The following SPATA22 variants were observed in gnomAD, a reference collection of about 807,000 sequenced individuals.
SPATA22 encodes the protein spermatogenesis-associated protein 22.
In SPATA22, 29 loss-of-function variants were observed where a neutral mutation model predicts 47.8. The observed-to-expected ratio is 0.61, with a 90% CI of 0.45 to 0.83. The LOEUF is 0.83. Ranked by LOEUF, SPATA22 falls within the 40% of genes least tolerant of loss-of-function variation. The probability of loss-of-function intolerance (pLI) is 0.00; values close to 1 mark genes in which losing one functional copy is unlikely to be tolerated. For synonymous variants in SPATA22, 133 were observed against 140.9 expected (o/e 0.94, Z 0.40); for missense variants, 410 against 421.7 (o/e 0.97, Z 0.24).
chr17:3,465,029 C>T (rs1231764148), intron 3 of SPATA22, among the ~76,000 whole-genome samples: 1 of 132,584 alleles, frequency 7.5e-6, no homozygotes, highest in African/African-American at 2.7e-5. Flanking sequence ...GGGGGGTCAG[C>T]CCCCAGCCCG....
At chr17:3,472,895 G>C (rs2073465959), upstream of SPATA22, among the ~76,000 whole-genome samples, 1 of 152,110 alleles carries the variant, frequency 6.6e-6, no homozygotes, top group Non-Finnish European at 1.5e-5. Context: ...GCCAGAGTAA[G>C]GAACAGCTTT....
At chr17:3,509,009 G>A (rs988388924) in intron 1 of SPATA22, among the ~76,000 whole-genome samples, 5 of 151,170 alleles carry the variant, frequency 3.3e-5, no homozygotes, top group African/African-American at 4.9e-5. Flanking sequence ...TAGGCTGATC[G>A]GCAATAATGA....
intron 1 of SPATA22, chr17:3,512,293 G>A (rs2074123226): frequency 6.8e-6 from 1 of 147,404 alleles, no homozygotes; most frequent in Non-Finnish European, 1.5e-5. Flanking sequence ...GGGTCAGCTG[G>A]GAGGGCAGGG....
intron 1 of SPATA22, among the ~76,000 whole-genome samples, chr17:3,479,211 C>G (rs1362285191): frequency 6.6e-6 from 1 of 152,164 alleles, no homozygotes; most frequent in East Asian, 1.9e-4. Flanking sequence ...TGGGACTCTT[C>G]CAATGGGAGC....
At chr17:3,468,100 T>C (rs1196939464) in intron 2 of SPATA22, 2 of 152,246 alleles carry the variant, frequency 1.3e-5, no homozygotes, top group African/African-American at 4.8e-5. Flanking sequence ...AACTCTGCAA[T>C]TTTAACAAGC....
At chr17:3,487,673 C>T (rs911256260) in intron 1 of SPATA22, among the ~76,000 whole-genome samples, 3 of 152,148 alleles carry the variant, frequency 2.0e-5, no homozygotes, top group African/African-American at 7.2e-5. Context: ...TACTTTTGTG[C>T]ATAATAAAGA....
At chr17:3,474,850 A>G (rs1456154881), upstream of SPATA22, among the ~76,000 whole-genome samples, 1 of 152,192 alleles carries the variant, frequency 6.6e-6, no homozygotes, top group African/African-American at 2.4e-5. Context: ...GAGGCACCCT[A>G]TTGTCCTGTG....
chr17:3,450,809 C>G (rs2072841242), intron 5 of SPATA22, among the ~76,000 whole-genome samples: 1 of 152,110 alleles, frequency 6.6e-6, no homozygotes, highest in Admixed American at 6.5e-5. Flanking sequence ...ATCATCATAA[C>G]AGATATAATA....
chr17:3,462,798 T>C, intron 3 of SPATA22, 31 bp from the exon 4 acceptor site: 1 of 1,477,646 alleles, frequency 6.8e-7, no homozygotes, highest in South Asian at 1.1e-5. Flanking sequence ...TAGATAAAAG[T>C]AAGATAGGTA....
intron 5 of SPATA22, among the ~76,000 whole-genome samples, chr17:3,453,883 T>C (rs966777515): frequency 2.0e-5 from 3 of 152,092 alleles, no homozygotes; most frequent in African/African-American, 7.2e-5. Flanking sequence ...GCCAATCAAT[T>C]AGCCAAGAAA....
intron 1 of SPATA22, chr17:3,502,002 T>G (rs2073996689): frequency 6.6e-6 from 1 of 152,088 alleles, no homozygotes; most frequent in East Asian, 1.9e-4. Context: ...AAAATGTTAT[T>G]AAACAGCATT....
chr17:3,494,577 CTG>C (rs1042784743), intron 1 of SPATA22: 4 of 840,796 alleles, frequency 4.8e-6, no homozygotes, highest in Non-Finnish European at 8.0e-6. Flanking sequence ...TCATTAGACA[CTG>C]AGTGTAGATA....
chr17:3,505,905 G>T (rs960789369), intron 1 of SPATA22, among the ~76,000 whole-genome samples: 6 of 152,080 alleles, frequency 3.9e-5, no homozygotes, highest in Admixed American at 3.3e-4. Flanking sequence ...TTACAGGCAT[G>T]CGCCAGCAAG....
chr17:3,476,455 G>GA, upstream of SPATA22: 1 of 1,455,474 alleles, frequency 6.9e-7, no homozygotes, highest in South Asian at 1.1e-5. Flanking sequence ...GTAGGTGTGT[G>GA]AAAGAGAACA....
chr17:3,484,861 C>T (rs2073692634), intron 1 of SPATA22, among the ~76,000 whole-genome samples: 1 of 152,162 alleles, frequency 6.6e-6, no homozygotes, highest in East Asian at 1.9e-4. Flanking sequence ...TAACTGATGA[C>T]ATGCCATACT....
Position 3,462,588 on chromosome 17 carries a change from GA to G in SPATA22, c.234-11del, listed in dbSNP as rs1567600899. On this transcript the variant is annotated splice_polypyrimidine_tract_variant and intron_variant, in intron 4 of 8. Coordinates refer to ENST00000572969, the MANE Select transcript of SPATA22 (RefSeq NM_001170698.2). The stretch of plus-strand genomic sequence containing the variant: ...TGAATGTGGTATTTGCCTTTCAAGG[GA>G]ATATGTCTTGTTAAATATTAATAGT... 6.2e-7 allele frequency: 1 copy of G among 1,607,588 alleles called. No individual in the cohort carries two copies. The highest frequency in any genetic ancestry group is 8.5e-7 in the Non-Finnish European group (1 of 1,174,668).
At chr17:3,448,724 C>T in intron 6 of SPATA22, 83 bp downstream of exon 6, 1 of 997,138 alleles carries the variant, frequency 1.0e-6, no homozygotes, top group African/African-American at 1.7e-5. Context: ...ATTTCAGGCG[C>T]TCTTATCTCT....
chr17:3,511,482 G>A (rs1314745146), intron 1 of SPATA22: 2 of 152,156 alleles, frequency 1.3e-5, no homozygotes, highest in Admixed American at 1.3e-4. Context: ...TTAGCCTCTG[G>A]GCGTAAAATG....
upstream of SPATA22, among the ~76,000 whole-genome samples, chr17:3,474,814 C>A (rs2073497658): frequency 6.6e-6 from 1 of 152,202 alleles, no homozygotes; most frequent in African/African-American, 2.4e-5. Flanking sequence ...AAAACTAGAA[C>A]TGTGAAGAAG....
Sources: gnomAD v4.1 joint callset for allele counts (sites outside exome capture counted in the v4.1 genomes callset) on GRCh38, gnomAD v4.1.1 for gene constraint, MANE v1.5 for transcripts, NCBI Gene and HGNC (gene_info 2026-07-23, HGNC 2026-07-21) for gene names.